The following CNTNAP4 variants were observed in gnomAD, a reference collection of about 807,000 sequenced individuals.
CNTNAP4 encodes the protein contactin associated protein family member 4.
CNTNAP4 carries 98 observed loss-of-function variants against 148.4 expected under a neutral mutation model. The observed-to-expected ratio is 0.66, with a 90% CI of 0.56 to 0.78. The LOEUF is 0.78. CNTNAP4 is among the 30% of genes least tolerant of loss of function. The probability of loss-of-function intolerance (pLI) is 0.00; values close to 1 mark genes in which losing one functional copy is unlikely to be tolerated. For synonymous variants in CNTNAP4, 730 were observed against 565.1 expected (o/e 1.29, Z -4.14); for missense variants, 1,935 against 1,565.6 (o/e 1.24, Z -3.98).
chr16:76,349,089 A>AGGT (rs1038144824), intron 2 of CNTNAP4, among the ~76,000 whole-genome samples: 4 of 152,134 alleles, frequency 2.6e-5, no homozygotes, highest in Admixed American at 1.3e-4. Flanking sequence ...AACACTCTGC[A>AGGT]GGCACAGCAG....
chr16:76,407,718 C>T lies in CNTNAP4; in HGVS notation c.391-19734C>T, dbSNP rs1597445680. Among the ~76,000 whole-genome samples the T allele has an allele frequency of 2.6e-5, 4 of 152,074 alleles. No individual in the cohort carries two copies. In the South Asian group the frequency reaches 8.3e-4, roughly 31 times the overall value. On this transcript the variant is annotated intron_variant, in intron 3 of 23. Transcript: ENST00000611870. ...GTGGTTTCTTGAGATGGAATCTACT[C>T]CTGGTGAAGATGCTATGAACATAGT...
chr16:76,516,463 A>G (rs2083259248), intron 15 of CNTNAP4, among the ~76,000 whole-genome samples: 2 of 152,146 alleles, frequency 1.3e-5, no homozygotes, highest in Non-Finnish European at 2.9e-5. Flanking sequence ...TGCTGGGTCA[A>G]ATGGTATTTC....
intron 3 of CNTNAP4, among the ~76,000 whole-genome samples, chr16:76,415,285 T>C (rs562966013): frequency 6.6e-6 from 1 of 151,340 alleles, no homozygotes; most frequent in South Asian, 2.1e-4. Flanking sequence ...TTAAAACATA[T>C]TTAATATTGC....
At chr16:76,535,031 A>G (rs761705028) in intron 17 of CNTNAP4, among the ~76,000 whole-genome samples, 2 of 152,234 alleles carry the variant, frequency 1.3e-5, no homozygotes, top group Non-Finnish European at 2.9e-5. Flanking sequence ...AAAACAAATA[A>G]TCTGACATTC....
chr16:76,481,125 CATTGATATGT>C (rs1319833453), intron 12 of CNTNAP4, among the ~76,000 whole-genome samples: 1 of 152,080 alleles, frequency 6.6e-6, no homozygotes, highest in Non-Finnish European at 1.5e-5. Flanking sequence ...GCCAAGGTGG[CATTGATATGT>C]AATGAAGGAA....
chr16:76,537,187 G>C (rs190660778), intron 18 of CNTNAP4, among the ~76,000 whole-genome samples: 1 of 152,180 alleles, frequency 6.6e-6, no homozygotes, highest in Non-Finnish European at 1.5e-5. Flanking sequence ...ATCTTGCTAA[G>C]TGCAACCGTA....
In CNTNAP4 at chr16:76,553,368, G is replaced by T; in HGVS notation, c.3528G>T (p.Val1176=). Residue 1176 remains valine, a synonymous_variant, in exon 22 of 24, where the codon GTG becomes GTT. Transcript: ENST00000611870. ...GCLSAVQLSH[V]APLKAALHPS... ...TCTCTGCAGTGCAGCTCAGCCACGT[G>T]GCCCCTCTGAAGGCAGCTCTGCACC... is the stretch of plus-strand genomic sequence containing the variant. 1 of 1,612,828 alleles carries T rather than the reference G, an allele frequency of 6.2e-7. No homozygotes were observed.
chr16:76,343,988 A>G (rs998979926), intron 2 of CNTNAP4, among the ~76,000 whole-genome samples: 6 of 152,198 alleles, frequency 3.9e-5, no homozygotes, highest in African/African-American at 1.2e-4. Context: ...CGGATGTTAC[A>G]GGAAGCAATT....
intron 3 of CNTNAP4, among the ~76,000 whole-genome samples, chr16:76,403,285 G>A (rs777045746): frequency 5.9e-5 from 9 of 151,926 alleles, no homozygotes; most frequent in Non-Finnish European, 1.0e-4. Context: ...AGTAGAGATG[G>A]GGTTTCATTG....
At chr16:76,312,766 G>A (rs537785621) in intron 1 of CNTNAP4, among the ~76,000 whole-genome samples, 1 of 152,268 alleles carries the variant, frequency 6.6e-6, no homozygotes, top group African/African-American at 2.4e-5. Flanking sequence ...ACAATGAGAA[G>A]AGCAAATTAA....
chr16:76,370,100 A>G (rs1330005704), intron 3 of CNTNAP4, among the ~76,000 whole-genome samples: 2 of 152,204 alleles, frequency 1.3e-5, no homozygotes, highest in African/African-American at 4.8e-5. Flanking sequence ...CACATAAACA[A>G]TAGCTATCTC....
rs1213996027 is a variant in CNTNAP4, at chr16:76,421,507, T to C, written c.391-5945T>C. Reference sequence around the variant, plus strand: ...TAAAAGTTACTCTCATCTGGGTTTATGTTAGCAAATTTTCCACTTTTCAGT... The same window carrying C: ...TAAAAGTTACTCTCATCTGGGTTTACGTTAGCAAATTTTCCACTTTTCAGT... On this transcript the variant is annotated intron_variant, in intron 3 of 23. Transcript: ENST00000611870. Among the ~76,000 whole-genome samples, 10 of 152,234 alleles carry C rather than the reference T, an allele frequency of 6.6e-5. No homozygotes were observed. In the East Asian group the frequency reaches 1.9e-3, roughly 29 times the overall value.
chr16:76,537,135 A>G (rs981065661), intron 18 of CNTNAP4, among the ~76,000 whole-genome samples: 1 of 152,228 alleles, frequency 6.6e-6, no homozygotes, highest in African/African-American at 2.4e-5. Flanking sequence ...CTTCATTAAA[A>G]TAACATGTCT....
chr16:76,380,084 G>T (rs773132263), intron 3 of CNTNAP4, among the ~76,000 whole-genome samples: 2 of 152,182 alleles, frequency 1.3e-5, no homozygotes, highest in African/African-American at 2.4e-5. Context: ...CAGATAAAAC[G>T]CAAGTCTGTT....
intron 15 of CNTNAP4, among the ~76,000 whole-genome samples, chr16:76,500,792 C>A (rs116788178): frequency 0.013 from 1,983 of 150,664 alleles, 46 homozygotes; most frequent in African/African-American, 0.047. Context: ...TATATATTTT[C>A]TTTGATCAGG....
Position 76,438,376 on chromosome 16 carries a change from C to G in CNTNAP4, c.539-9636C>G, listed in dbSNP as rs578152151. On this transcript the variant is annotated intron_variant, in intron 4 of 23. Coordinates refer to ENST00000611870, the MANE Select transcript of CNTNAP4 (RefSeq NM_033401.5). ...AGGGGACCACCTTTGGAGTTCAAGT[C>G]CTGCCAATTTAGAGGAATTTGTTAA... Among the ~76,000 whole-genome samples the G allele has an allele frequency of 4.6e-5, 7 of 152,196 alleles. No homozygotes were observed. In the South Asian group the frequency reaches 1.5e-3, roughly 32 times the overall value.
Position 76,532,853 on chromosome 16 carries a change from A to G in CNTNAP4, c.2756-2692A>G, listed in dbSNP as rs183529972. Among the ~76,000 whole-genome samples, 4 of 152,302 alleles carry G rather than the reference A, an allele frequency of 2.6e-5. No homozygotes were observed. In the East Asian group the frequency reaches 7.7e-4, roughly 29 times the overall value. ...GGAAGAATAGGGAGGTGTGAAGATA[A>G]AGAAGTAGCAGCTCTGGTAAGGAAG... On this transcript the variant is annotated intron_variant, in intron 17 of 23. Transcript: ENST00000611870.
At chr16:76,402,642 A>G (rs1002222196) in intron 3 of CNTNAP4, among the ~76,000 whole-genome samples, 1 of 151,836 alleles carries the variant, frequency 6.6e-6, no homozygotes, top group Admixed American at 6.6e-5. Context: ...TTCAGTTGTG[A>G]TGTTAGGTTG....
intron 2 of CNTNAP4, among the ~76,000 whole-genome samples, chr16:76,333,679 C>T (rs536644576): frequency 2.1e-4 from 32 of 151,118 alleles, no homozygotes; most frequent in African/African-American, 7.3e-4. Context: ...TGGTTGTTGC[C>T]GAAAACTAGA....
Sources: gnomAD v4.1 joint callset for allele counts (sites outside exome capture counted in the v4.1 genomes callset) on GRCh38, gnomAD v4.1.1 for gene constraint, MANE v1.5 for transcripts, NCBI Gene and HGNC (gene_info 2026-07-23, HGNC 2026-07-21) for gene names.